Variants in LRCH2 observed in about 807,000 individuals in gnomAD.
LRCH2 encodes the protein leucine-rich repeat and calponin homology domain-containing protein 2.
In LRCH2, 38 loss-of-function variants were observed where a neutral mutation model predicts 68.9. The ratio of observed to expected loss-of-function variants is 0.55; its 90% CI spans 0.43 to 0.72. The LOEUF (loss-of-function observed/expected upper bound fraction) is 0.72. Ranked by LOEUF, LRCH2 falls within the 30% of genes least tolerant of loss-of-function variation. The pLI is 0.00. For synonymous variants in LRCH2, 191 were observed against 208.1 expected (o/e 0.92, Z 0.71); for missense variants, 528 against 572.9 (o/e 0.92, Z 0.80).
At chrX:115,177,075 A>T in intron 5 of LRCH2, among the ~76,000 whole-genome samples, 1 of 83,637 alleles carries the variant, frequency 1.2e-5, no homozygotes, top group African/African-American at 4.8e-5. Flanking sequence ...TTTTTTTTTA[A>T]AGACAGAGTC....
intron 5 of LRCH2, among the ~76,000 whole-genome samples, chrX:115,177,320 T>C (rs906248902): frequency 9.0e-6 from 1 of 110,636 alleles, no homozygotes; most frequent in East Asian, 2.9e-4. Context: ...TGAGCTTCCA[T>C]CTATCTGGTG....
At position 115,111,610 on chromosome X, in the gene LRCH2, A is replaced by T. The variant is rs1358757549; in HGVS notation, c.*1606T>A. ...TGAGGTCAAATATTTAAAATAATAA[A>T]TTACTAATAATTTAATTCTTAAACC... On this transcript the variant is annotated 3_prime_UTR_variant, in exon 21 of 21. Transcript: ENST00000317135. The T allele has an allele frequency of 9.0e-6, 1 of 111,188 alleles. No individual in the cohort carries two copies. Among genetic ancestry groups the T allele is most frequent in the Non-Finnish European group, 1.9e-5 (1 of 52,893 alleles). The allele number at this position is 111,188 out of a possible 1,213,427, so 9.2% of individuals were successfully genotyped here. A position where few individuals can be genotyped will look rare whatever the true frequency, so the allele number is the denominator to read the frequency against.
At position 115,162,081 on chromosome X, in the gene LRCH2, G is replaced by A. The variant is rs782031875; in HGVS notation, c.1463+1595C>T. ...ACCACAGGTGCACACCACCATGCCC[G>A]GCTAATTTTTTGTATTTTTGGTAGA... On this transcript the variant is annotated intron_variant, in intron 11 of 20. Coordinates refer to ENST00000317135, the MANE Select transcript of LRCH2 (RefSeq NM_020871.4). Among the ~76,000 whole-genome samples, 19 of 108,644 alleles carry A rather than the reference G, an allele frequency of 1.7e-4. No individual in the cohort carries two copies. The South Asian group carries it at 2.9e-3, about 16-fold the overall frequency. 94.3% of individuals were successfully genotyped at this position (108,644 alleles called of 115,157 possible). A position where few individuals can be genotyped will look rare whatever the true frequency, so the allele number is the denominator to read the frequency against.
chrX:115,188,095 TAA>T, intron 2 of LRCH2, 129 bp downstream of exon 2: 1 of 468,456 alleles, frequency 2.1e-6, no homozygotes, highest in Non-Finnish European at 3.4e-6. Flanking sequence ...TGTGAACATA[TAA>T]AAAACACAAA....
rs1331607661 is a variant in LRCH2, at chrX:115,111,079, C to T, written c.*2137G>A. 1.8e-5 allele frequency: 2 copies of T among 110,905 alleles called. No individual in the cohort carries two copies. Among genetic ancestry groups the T allele is most frequent in the Non-Finnish European group, 3.8e-5 (2 of 52,950 alleles). 9.1% of individuals were successfully genotyped at this position (110,905 alleles called of 1,213,427 possible). On this transcript the variant is annotated 3_prime_UTR_variant, in exon 21 of 21. Transcript: ENST00000317135. Reference sequence around the variant, plus strand: ...AACTACTAAAAGAAATACATCAGAGCCTTGGTATAACATTGTAGGGGACCA... The same window carrying T: ...AACTACTAAAAGAAATACATCAGAGTCTTGGTATAACATTGTAGGGGACCA...
intron 14 of LRCH2, among the ~76,000 whole-genome samples, chrX:115,134,035 A>C (rs1014394652): frequency 1.8e-5 from 2 of 112,297 alleles, no homozygotes; most frequent in African/African-American, 6.5e-5. Context: ...CATTCCAGTG[A>C]ACACACCAAA....
chrX:115,190,741 C>CACA (rs2072794912), intron 1 of LRCH2: 1 of 1,068,826 alleles, frequency 9.4e-7, no homozygotes, highest in African/African-American at 2.1e-5. Context: ...ACACGAGGCC[C>CACA]GCAGCGGGGG....
intron 15 of LRCH2, among the ~76,000 whole-genome samples, chrX:115,128,288 CAACT>C (rs1345299332): frequency 9.0e-6 from 1 of 111,628 alleles, no homozygotes; most frequent in African/African-American, 3.3e-5. Flanking sequence ...GGCTTTGTGA[CAACT>C]AACTGTCCCC....
At chrX:115,205,245 T>C (rs1489051536) in intron 1 of LRCH2, among the ~76,000 whole-genome samples, 1 of 111,854 alleles carries the variant, frequency 8.9e-6, no homozygotes, top group African/African-American at 3.3e-5. Context: ...CCCTGACACA[T>C]AGTGGTTACA....
chrX:115,183,361 T>C (rs782675951), intron 3 of LRCH2, among the ~76,000 whole-genome samples: 1 of 111,475 alleles, frequency 9.0e-6, no homozygotes, highest in African/African-American at 3.3e-5. Context: ...AAGAAAACTT[T>C]TGACCTCCCC....
intron 1 of LRCH2, among the ~76,000 whole-genome samples, chrX:115,209,766 A>T (rs1167091426): frequency 8.9e-6 from 1 of 112,102 alleles, no homozygotes; most frequent in Admixed American, 9.5e-5. Context: ...AATGGTTTTG[A>T]CCAAAATGCT....
intron 1 of LRCH2, among the ~76,000 whole-genome samples, chrX:115,226,869 G>A (rs1306773212): frequency 9.0e-6 from 1 of 110,979 alleles, no homozygotes; most frequent in Non-Finnish European, 1.9e-5. Flanking sequence ...CTCTCTAAAG[G>A]CCAATCCTCC....
intron 14 of LRCH2, among the ~76,000 whole-genome samples, chrX:115,144,237 T>C (rs2072362983): frequency 8.9e-6 from 1 of 111,812 alleles, no homozygotes; most frequent in Non-Finnish European, 1.9e-5. Flanking sequence ...GTCAGTCCAA[T>C]AAACCTCTTT....
At chrX:115,126,677 C>T (rs189659667) in intron 16 of LRCH2, among the ~76,000 whole-genome samples, 166 bp downstream of exon 16, 44 of 110,898 alleles carry the variant, frequency 4.0e-4, no homozygotes, top group African/African-American at 1.3e-3. Context: ...TTTTTATAGG[C>T]TAGAAGGTTT....
intron 1 of LRCH2, among the ~76,000 whole-genome samples, chrX:115,231,145 C>T (rs2073149949): frequency 8.9e-6 from 1 of 111,741 alleles, no homozygotes; most frequent in African/African-American, 3.3e-5. Context: ...CGCTTCTTAG[C>T]TATTTTCCCT....
At position 115,233,841 on chromosome X, in the gene LRCH2, G is replaced by A. The variant is rs782080003; in HGVS notation, c.201C>T (p.Asn67=). 2.1e-5 allele frequency: 25 copies of A among 1,165,444 alleles called. No individual in the cohort carries two copies. In the African/African-American group the frequency reaches 4.1e-4, roughly 19 times the overall value. The change falls in exon 1 of 21, where the codon AAC becomes AAT. Residue 67 remains asparagine (N), a synonymous_variant. Transcript: ENST00000317135. The part of the protein sequence containing the change: ...GQPFPNGPPW[N]PGSLQPQHTV... ...TGTGCTGAGGCTGCAGGCTCCCCGG[G>A]TTCCACGGCGGCCCGTTGGGGAACG...
chrX:115,221,896 TAGG>T (rs1391207028), intron 1 of LRCH2, among the ~76,000 whole-genome samples: 2 of 89,573 alleles, frequency 2.2e-5, no homozygotes, highest in African/African-American at 4.3e-5. Context: ...AAAGAATCAA[TAGG>T]AGTTCACAAG....
chrX:115,123,894 A>G (rs2072163986), intron 17 of LRCH2, 51 bp downstream of exon 17: 3 of 783,394 alleles, frequency 3.8e-6, no homozygotes, highest in African/African-American at 2.1e-5. Flanking sequence ...TAAGCTGGGA[A>G]ACTAGTTTCA....
At chrX:115,132,473 T>C (rs1356561157) in intron 14 of LRCH2, among the ~76,000 whole-genome samples, 1 of 111,944 alleles carries the variant, frequency 8.9e-6, no homozygotes, top group Non-Finnish European at 1.9e-5. Flanking sequence ...CAGCATTATC[T>C]TCCATAACCC....
Sources: gnomAD v4.1 joint callset for allele counts (sites outside exome capture counted in the v4.1 genomes callset) on GRCh38, gnomAD v4.1.1 for gene constraint, MANE v1.5 for transcripts, NCBI Gene and HGNC (gene_info 2026-07-23, HGNC 2026-07-21) for gene names.